Variants in TLN2 observed in about 807,000 individuals in gnomAD.
TLN2 encodes the protein talin-2.
Under a neutral mutation model 294.7 loss-of-function variants are expected in TLN2, and 118 were observed. The ratio of observed to expected loss-of-function variants is 0.40; its 90% CI spans 0.34 to 0.47. The LOEUF is 0.47. Among genes scored for constraint, TLN2 ranks in the 20% least tolerant of loss-of-function variants. TLN2 has a pLI of 0.84. For synonymous variants in TLN2, 1,431 were observed against 1,304.5 expected (o/e 1.10, Z -2.09); for missense variants, 3,083 against 3,282.2 (o/e 0.94, Z 1.48).
chr15:62,602,813 G>T (rs2047108431), intron 2 of TLN2, among the ~76,000 whole-genome samples: 1 of 150,648 alleles, frequency 6.6e-6, no homozygotes, highest in Non-Finnish European at 1.5e-5. Flanking sequence ...TGGGGATAAG[G>T]TTTCAGCATA....
chr15:62,507,961 A>G (rs1267236440), intron 1 of TLN2, among the ~76,000 whole-genome samples: 1 of 152,112 alleles, frequency 6.6e-6, no homozygotes, highest in Non-Finnish European at 1.5e-5. Flanking sequence ...TAGAATATTT[A>G]CTTGTTATCA....
intron 54 of TLN2, among the ~76,000 whole-genome samples, chr15:62,822,525 C>T (rs2067659227): frequency 1.3e-5 from 2 of 152,212 alleles, no homozygotes; most frequent in Non-Finnish European, 2.9e-5. Flanking sequence ...CACCAAGAGG[C>T]GAATTACCTT....
intron 4 of TLN2, 56 bp downstream of exon 4, chr15:62,647,502 T>G: frequency 6.2e-7 from 1 of 1,610,444 alleles, no homozygotes; most frequent in Non-Finnish European, 8.5e-7. Flanking sequence ...TTTTTCACTT[T>G]TTTGCTAAAG....
intron 41 of TLN2, among the ~76,000 whole-genome samples, chr15:62,769,047 C>T (rs55652028): frequency 0.042 from 6,453 of 152,342 alleles, 474 homozygotes; most frequent in African/African-American, 0.15. Context: ...CATGCTACCT[C>T]CATGGGGGAG....
chr15:62,494,347 C>G (rs1427452446), intron 1 of TLN2, among the ~76,000 whole-genome samples: 1 of 152,054 alleles, frequency 6.6e-6, no homozygotes, highest in African/African-American at 2.4e-5. Flanking sequence ...GGAGCCTCTC[C>G]AGAAGTAGAT....
intron 52 of TLN2, among the ~76,000 whole-genome samples, chr15:62,811,513 A>G (rs1434579300): frequency 2.0e-5 from 3 of 152,234 alleles, no homozygotes; most frequent in African/African-American, 4.8e-5. Flanking sequence ...GAACCTTGTT[A>G]TAACTAAAAA....
intron 1 of TLN2, among the ~76,000 whole-genome samples, chr15:62,395,205 G>C (rs892990011): frequency 1.5e-5 from 2 of 129,564 alleles, no homozygotes; most frequent in African/African-American, 5.7e-5. Context: ...TGTACTTTGT[G>C]TATCTAGTAG....
intron 54 of TLN2, chr15:62,827,709 A>G (rs986436919): frequency 8.5e-5 from 13 of 152,238 alleles, no homozygotes; most frequent in African/African-American, 3.1e-4. Context: ...TTATGGATAC[A>G]TAACAGGGTT....
At chr15:62,584,475 G>C (rs1596246683) in intron 1 of TLN2, among the ~76,000 whole-genome samples, 1 of 152,178 alleles carries the variant, frequency 6.6e-6, no homozygotes, top group African/African-American at 2.4e-5. Context: ...AGGTCCTTGG[G>C]TGTTGACGCT....
chr15:62,408,128 C>A (rs1231586768), intron 1 of TLN2, among the ~76,000 whole-genome samples: 1 of 152,088 alleles, frequency 6.6e-6, no homozygotes, highest in African/African-American at 2.4e-5. Context: ...CTGGCTTGAA[C>A]TTTCTGTGCT....
rs1035682215 is a variant in TLN2, at chr15:62,640,307, C to T, written c.-36-6968C>T. 4 of 455,828 alleles carry T rather than the reference C, an allele frequency of 8.8e-6. No individual in the cohort carries two copies. In the Admixed American group the frequency reaches 9.4e-5, roughly 11 times the overall value. 28.2% of individuals were successfully genotyped at this position (455,828 alleles called of 1,614,324 possible). A position where few individuals can be genotyped will look rare whatever the true frequency, so the allele number is the denominator to read the frequency against. ...CACAGATGAATTATAGCAAGTACAGCCATCCAAAATTGGGCACAGAGGCCT... is the reference window on the plus strand; with the variant it reads ...CACAGATGAATTATAGCAAGTACAGTCATCCAAAATTGGGCACAGAGGCCT... On this transcript the variant is annotated intron_variant, in intron 3 of 58. Coordinates refer to ENST00000636159, the MANE Select transcript of TLN2 (RefSeq NM_015059.3).
At chr15:62,617,147 C>G (rs149122920) in intron 2 of TLN2, among the ~76,000 whole-genome samples, 1 of 152,228 alleles carries the variant, frequency 6.6e-6, no homozygotes, top group East Asian at 1.9e-4. Flanking sequence ...GCTAGGCATT[C>G]TCAGGAGTGG....
chr15:62,783,119 CA>C (rs1232591880), intron 44 of TLN2, among the ~76,000 whole-genome samples: 22 of 152,260 alleles, frequency 1.4e-4, no homozygotes, highest in African/African-American at 5.1e-4. Context: ...GTGGGCTACA[CA>C]CTACTCTTAA....
chr15:62,648,296 C>G (rs1025514304), intron 4 of TLN2, among the ~76,000 whole-genome samples: 2 of 150,686 alleles, frequency 1.3e-5, no homozygotes, highest in Non-Finnish European at 2.9e-5. Flanking sequence ...TGGTATGTGC[C>G]TGTAGTCTCA....
chr15:62,450,569 GTGTGTC>G (rs762739731), intron 1 of TLN2, among the ~76,000 whole-genome samples: 1 of 100,304 alleles, frequency 1.0e-5, no homozygotes, highest in East Asian at 4.5e-4. Flanking sequence ...GTGTGTGTGT[GTGTGTC>G]TGTGTGTGTG....
chr15:62,612,761 C>T (rs997431540), intron 2 of TLN2, among the ~76,000 whole-genome samples: 3 of 152,112 alleles, frequency 2.0e-5, no homozygotes, highest in Non-Finnish European at 4.4e-5. Flanking sequence ...TGCTGGATTG[C>T]GTTAATCAAC....
At chr15:62,812,028 A>AATAAATAC (rs1026827329) in intron 52 of TLN2, among the ~76,000 whole-genome samples, 2 of 150,856 alleles carry the variant, frequency 1.3e-5, no homozygotes, top group African/African-American at 4.9e-5. Context: ...TAAATAAATA[A>AATAAATAC]ATAAATAAAT....
intron 57 of TLN2, among the ~76,000 whole-genome samples, chr15:62,837,281 T>A (rs371081780): frequency 3.9e-5 from 6 of 152,358 alleles, no homozygotes; most frequent in Admixed American, 2.6e-4. Flanking sequence ...GAGCTGCATG[T>A]TCGTTTGTGA....
chr15:62,590,585 T>G (rs75515057), intron 2 of TLN2, among the ~76,000 whole-genome samples: 1 of 152,328 alleles, frequency 6.6e-6, no homozygotes, highest in East Asian at 1.9e-4. Flanking sequence ...TCCAGTAGTC[T>G]TTGAACTGAA....
Sources: gnomAD v4.1 joint callset for allele counts (sites outside exome capture counted in the v4.1 genomes callset) on GRCh38, gnomAD v4.1.1 for gene constraint, MANE v1.5 for transcripts, NCBI Gene and HGNC (gene_info 2026-07-23, HGNC 2026-07-21) for gene names.